The following CTIF variants were observed in gnomAD, a reference collection of about 807,000 sequenced individuals.
CTIF encodes the protein CBP80/20-dependent translation initiation factor.
A neutral mutation model predicts 66.0 loss-of-function variants in CTIF; 21 were observed. The ratio of observed to expected loss-of-function variants is 0.32; its 90% CI spans 0.23 to 0.46. The LOEUF is 0.46. CTIF is among the 20% of genes least tolerant of loss of function. The pLI is 1.00. For synonymous variants in CTIF, 345 were observed against 326.4 expected (o/e 1.06, Z -0.62); for missense variants, 739 against 812.7 (o/e 0.91, Z 1.10).
At chr18:48,648,132 C>T (rs1452430946) in intron 3 of CTIF, among the ~76,000 whole-genome samples, 1 of 152,122 alleles carries the variant, frequency 6.6e-6, no homozygotes, top group Non-Finnish European at 1.5e-5. Flanking sequence ...CCATTTAAAA[C>T]CTAAATCACA....
At chr18:48,849,178 C>T (rs1599161667) in intron 10 of CTIF, among the ~76,000 whole-genome samples, 1 of 149,580 alleles carries the variant, frequency 6.7e-6, no homozygotes, top group East Asian at 2.0e-4. Context: ...AGGGTGCCTG[C>T]TCCTACCAAT....
intron 1 of CTIF, among the ~76,000 whole-genome samples, chr18:48,587,701 T>TA (rs2089802605): frequency 6.6e-6 from 1 of 152,238 alleles, no homozygotes; most frequent in South Asian, 2.1e-4. Flanking sequence ...CAGCTCTAAA[T>TA]ATCTGCAAGT....
intron 6 of CTIF, among the ~76,000 whole-genome samples, chr18:48,687,268 T>A (rs55844819): frequency 0.014 from 2,139 of 150,168 alleles, 52 homozygotes; most frequent in African/African-American, 0.05. Context: ...GTACATAGAT[T>A]TTTTTCTTTG....
chr18:48,845,982 C>T (rs1268612266), intron 10 of CTIF, among the ~76,000 whole-genome samples: 1 of 152,234 alleles, frequency 6.6e-6, no homozygotes, highest in Non-Finnish European at 1.5e-5. Flanking sequence ...CCAGTCCAAA[C>T]ACCACCCTAC....
chr18:48,793,483 C>A (rs1229277153), intron 9 of CTIF, among the ~76,000 whole-genome samples: 1 of 152,162 alleles, frequency 6.6e-6, no homozygotes, highest in African/African-American at 2.4e-5. Flanking sequence ...TAATGTGGTG[C>A]CAGCAGGATT....
At chr18:48,833,519 G>A (rs892595263) in intron 10 of CTIF, among the ~76,000 whole-genome samples, 20 of 152,190 alleles carry the variant, frequency 1.3e-4, no homozygotes, top group African/African-American at 4.3e-4. Flanking sequence ...CTCCTTGGAC[G>A]TTCCTAAAGC....
chr18:48,782,501 G>A (rs929909221), intron 9 of CTIF, among the ~76,000 whole-genome samples: 3 of 152,228 alleles, frequency 2.0e-5, no homozygotes, highest in Non-Finnish European at 4.4e-5. Flanking sequence ...TGGCAGGGGT[G>A]ACAAGACTGT....
At chr18:48,625,233 A>G in intron 2 of CTIF, 1 of 984,954 alleles carries the variant, frequency 1.0e-6, no homozygotes, top group Non-Finnish European at 1.2e-6. Flanking sequence ...GCTTAACAGA[A>G]GAAGTGAGTT....
intron 1 of CTIF, among the ~76,000 whole-genome samples, chr18:48,546,749 C>G (rs998881108): frequency 1.3e-5 from 2 of 152,112 alleles, no homozygotes; most frequent in African/African-American, 2.4e-5. Context: ...AAAACAGGAC[C>G]TGGTAAAAGT....
chr18:48,812,913 T>C (rs1222191859), intron 9 of CTIF, among the ~76,000 whole-genome samples: 3 of 152,228 alleles, frequency 2.0e-5, no homozygotes, highest in African/African-American at 7.2e-5. Context: ...ATTTCTCTGC[T>C]CTCTTTGTTC....
chr18:48,559,933 G>T (rs1238147326), intron 1 of CTIF, among the ~76,000 whole-genome samples: 2 of 152,090 alleles, frequency 1.3e-5, no homozygotes, highest in Non-Finnish European at 2.9e-5. Flanking sequence ...ACCTGCACAT[G>T]TACCCCCTAA....
At chr18:48,622,216 G>A (rs2090508168) in intron 2 of CTIF, among the ~76,000 whole-genome samples, 2 of 152,200 alleles carry the variant, frequency 1.3e-5, no homozygotes, top group Non-Finnish European at 2.9e-5. Context: ...GGTAGGGTCA[G>A]TGGATTGGAG....
chr18:48,612,057 G>C (rs2090316871), intron 1 of CTIF, among the ~76,000 whole-genome samples: 1 of 152,200 alleles, frequency 6.6e-6, no homozygotes, highest in African/African-American at 2.4e-5. Context: ...ATGCATTTCT[G>C]AACTTTCCCA....
intron 2 of CTIF, among the ~76,000 whole-genome samples, chr18:48,627,720 A>G (rs2090628085): frequency 6.7e-6 from 1 of 150,226 alleles, no homozygotes; most frequent in Non-Finnish European, 1.5e-5. Flanking sequence ...CCCTGTCTCA[A>G]AACAAACAAA....
intron 10 of CTIF, among the ~76,000 whole-genome samples, chr18:48,822,535 C>T (rs1345547460): frequency 1.1e-5 from 1 of 90,600 alleles, no homozygotes; most frequent in African/African-American, 4.9e-5. Flanking sequence ...CACACACACA[C>T]ACACATTGTT....
At chr18:48,746,190 A>G (rs953723574) in intron 7 of CTIF, among the ~76,000 whole-genome samples, 10 of 152,198 alleles carry the variant, frequency 6.6e-5, no homozygotes, top group Non-Finnish European at 1.2e-4. Flanking sequence ...CCTTTCCCCA[A>G]GAAGGGCTGG....
At chr18:48,736,374 T>C (rs2092503105) in intron 7 of CTIF, among the ~76,000 whole-genome samples, 1 of 151,998 alleles carries the variant, frequency 6.6e-6, no homozygotes, top group African/African-American at 2.4e-5. Context: ...GTCTCTGGGG[T>C]TTGGGGTCCC....
intron 10 of CTIF, 89 bp from the exon 11 acceptor site, chr18:48,857,499 C>A: frequency 8.5e-7 from 1 of 1,177,160 alleles, no homozygotes; most frequent in Non-Finnish European, 1.2e-6. Flanking sequence ...AGGGCTGGGG[C>A]TGCAGGTCGG....
intron 1 of CTIF, among the ~76,000 whole-genome samples, chr18:48,602,370 A>G (rs745965224): frequency 8.5e-5 from 13 of 152,224 alleles, no homozygotes; most frequent in Non-Finnish European, 1.3e-4. Context: ...GGTGGAAGAA[A>G]TTGCCAGAAG....
Sources: gnomAD v4.1 joint callset for allele counts (sites outside exome capture counted in the v4.1 genomes callset) on GRCh38, gnomAD v4.1.1 for gene constraint, MANE v1.5 for transcripts, NCBI Gene and HGNC (gene_info 2026-07-23, HGNC 2026-07-21) for gene names.